Variants in FAT1 observed in about 807,000 individuals in gnomAD.
The protein encoded by FAT1 is FAT atypical cadherin 1, also known as protocadherin Fat 1.
In FAT1, 171 loss-of-function variants were observed where a neutral mutation model predicts 329.8. The observed-to-expected ratio is 0.52, with a 90% CI of 0.46 to 0.59. The LOEUF (loss-of-function observed/expected upper bound fraction) is 0.59. Among genes scored for constraint, FAT1 ranks in the 20% least tolerant of loss-of-function variants. The probability of loss-of-function intolerance (pLI) is 0.00; values close to 1 mark genes in which losing one functional copy is unlikely to be tolerated. For missense variants in FAT1, 5,672 were observed against 5,774.4 expected (o/e 0.98, Z 0.57); for synonymous variants, 2,233 against 2,228.6 (o/e 1.00, Z -0.06).
intron 17 of FAT1, among the ~76,000 whole-genome samples, chr4:186,605,775 G>C (rs1241507008): frequency 5.3e-5 from 8 of 150,740 alleles, no homozygotes; most frequent in Admixed American, 4.0e-4. Flanking sequence ...AAGGTCAAGG[G>C]GGGAGGAGAG....
At chr4:186,711,796 T>C (rs1744969087) in intron 1 of FAT1, among the ~76,000 whole-genome samples, 1 of 152,164 alleles carries the variant, frequency 6.6e-6, no homozygotes, top group Non-Finnish European at 1.5e-5. Flanking sequence ...GGAGCAAGCC[T>C]GTAATCTCAG....
intron 14 of FAT1, among the ~76,000 whole-genome samples, chr4:186,610,824 AGAT>A: frequency 6.6e-6 from 1 of 151,330 alleles, no homozygotes; most frequent in South Asian, 2.1e-4. Context: ...CAGGTTAGCA[AGAT>A]GATGAAGCAT....
At chr4:186,718,790 A>C (rs1745333958) in intron 1 of FAT1, among the ~76,000 whole-genome samples, 2 of 152,140 alleles carry the variant, frequency 1.3e-5, no homozygotes, top group South Asian at 4.1e-4. Flanking sequence ...GTTTCACAGC[A>C]CCGCCCTGGC....
intron 2 of FAT1, among the ~76,000 whole-genome samples, chr4:186,682,773 T>C (rs1055486161): frequency 2.0e-5 from 3 of 152,124 alleles, no homozygotes; most frequent in African/African-American, 7.2e-5. Context: ...CAGAGGAGGA[T>C]TTTCCTTCTT....
rs2584349 is a variant in FAT1 at position 186,614,015 on chromosome 4, T to C, written c.9229+176A>G. 0.47 allele frequency among the ~76,000 whole-genome samples: 71,058 copies of C among 152,006 alleles called. 16,798 individuals are homozygous for C. Among genetic ancestry groups the C allele is most frequent in the African/African-American group, 0.53 (22,050 of 41,460 alleles). On this transcript the variant is annotated intron_variant, in intron 12 of 26. Transcript: ENST00000441802. Reference sequence around the variant, plus strand: ...TGCTGTTTTTTAAAAAATCTCACCTTGAATTTTACGCACTAAATTGCTGGT... The same window carrying C: ...TGCTGTTTTTTAAAAAATCTCACCTCGAATTTTACGCACTAAATTGCTGGT...
intron 3 of FAT1, among the ~76,000 whole-genome samples, chr4:186,653,763 CG>C (rs1488901202): frequency 6.6e-6 from 1 of 152,104 alleles, no homozygotes; most frequent in Non-Finnish European, 1.5e-5. Flanking sequence ...CACTCATTTC[CG>C]TATCATCTAC....
At chr4:186,664,269 A>G (rs1232586604) in intron 2 of FAT1, among the ~76,000 whole-genome samples, 1 of 152,158 alleles carries the variant, frequency 6.6e-6, no homozygotes, top group Non-Finnish European at 1.5e-5. Context: ...CTGAGTGTTG[A>G]GGTCCTTTTA....
chr4:186,686,418 T>C (rs1743472416), intron 2 of FAT1, among the ~76,000 whole-genome samples: 1 of 152,052 alleles, frequency 6.6e-6, no homozygotes, highest in Non-Finnish European at 1.5e-5. Flanking sequence ...TTTGAATGAG[T>C]GTTCTTTTTT....
At chr4:186,649,550 T>G (rs913969021) in intron 3 of FAT1, among the ~76,000 whole-genome samples, 1 of 152,182 alleles carries the variant, frequency 6.6e-6, no homozygotes, top group Non-Finnish European at 1.5e-5. Context: ...AGAGGAGATT[T>G]GAGTCAGAGA....
rs201965733 is a variant in FAT1, at chr4:186,620,783, C to T, written c.5803G>A (p.Ala1935Thr). The change falls in exon 10 of 27, where the codon GCT (alanine) becomes ACT (threonine). Residue 1935 changes from alanine (A) to threonine (T), a missense_variant. Transcript: ENST00000441802. Reference protein sequence around the residue: ...EKFSMDYKTGALTVQNTTQLR... With the variant: ...EKFSMDYKTGTLTVQNTTQLR... The stretch of plus-strand genomic sequence containing the variant: ...TGAGTTGTGTTTTGGACAGTGAGAG[C>T]ACCAGTCTTGTAGTCCATAGAAAAC... 106 of 1,613,896 alleles carry T rather than the reference C, an allele frequency of 6.6e-5. No homozygotes were observed. Among genetic ancestry groups the T allele is most frequent in the Non-Finnish European group, 7.8e-5 (92 of 1,179,906 alleles).
Position 186,709,702 on chromosome 4 carries a change from G to C in FAT1, c.126C>G (p.Thr42=), listed in dbSNP as rs375280644. 1 of 1,613,892 alleles carries C rather than the reference G, an allele frequency of 6.2e-7. No individual in the cohort carries two copies. The highest frequency in any genetic ancestry group is 2.2e-5 in the East Asian group (1 of 44,872). Residue 42 remains threonine (T), a synonymous_variant, in exon 2 of 27, where the codon ACC becomes ACG. Transcript: ENST00000441802. The part of the protein sequence containing the change: ...LQFTHLEYNV[T]VQENSAAKTY... ...TCTTAGCTGCAGAGTTCTCCTGCACGGTGACGTTGTACTCGAGGTGTGTAA... is the reference window on the plus strand; with the variant it reads ...TCTTAGCTGCAGAGTTCTCCTGCACCGTGACGTTGTACTCGAGGTGTGTAA...
At chr4:186,590,500 CT>C in intron 26 of FAT1, 1 of 751,532 alleles carries the variant, frequency 1.3e-6, no homozygotes, top group Non-Finnish European at 2.0e-6. Flanking sequence ...ATGAAAACTG[CT>C]TACAGAGGCC....
rs750555004 is a variant in FAT1 at position 186,709,250 on chromosome 4, T to C, written c.578A>G (p.Asp193Gly). 5.6e-6 allele frequency: 9 copies of C among 1,613,808 alleles called. No homozygotes were observed. The Admixed American group carries it at 8.3e-5, about 15-fold the overall frequency. ...ACTGGTTGGGTGAATAGCAAACATA[T>C]CTGTTCGATCTTTAAAACTGTAGTA... The part of the protein sequence containing the change: ...EFYYSFKDRT[D>G]MFAIHPTSGV... The change falls in exon 2 of 27, where the codon GAT (aspartate) becomes GGT (glycine). Residue 193 changes from aspartate (D) to glycine (G), a missense_variant. Asp to Gly is a moderately conservative substitution (Grantham distance 94, BLOSUM62 -1). Transcript: ENST00000441802.
intron 1 of FAT1, among the ~76,000 whole-genome samples, chr4:186,719,290 T>C (rs530796190): frequency 6.6e-6 from 1 of 152,206 alleles, no homozygotes; most frequent in Non-Finnish European, 1.5e-5. Context: ...AGTTATACGA[T>C]TGGCCTTCAC....
chr4:186,694,853 T>C (rs957288885), intron 2 of FAT1, among the ~76,000 whole-genome samples: 1 of 152,158 alleles, frequency 6.6e-6, no homozygotes, highest in Non-Finnish European at 1.5e-5. Context: ...TCCCAGCTAC[T>C]TGGGAGGCTG....
At chr4:186,668,503 T>C (rs1742570626) in intron 2 of FAT1, among the ~76,000 whole-genome samples, 2 of 152,208 alleles carry the variant, frequency 1.3e-5, no homozygotes, top group African/African-American at 4.8e-5. Flanking sequence ...ACAGGTGTAG[T>C]TCAGAATCCA....
At position 186,596,615 on chromosome 4, in the gene FAT1, G is replaced by GC. The variant is rs1329470979; in HGVS notation, c.12924dup (p.Pro4309AlafsTer11). 6.2e-7 allele frequency: 1 copy of GC among 1,611,634 alleles called. No individual in the cohort carries two copies. Among genetic ancestry groups the GC allele is most frequent in the East Asian group, 2.2e-5 (1 of 44,854 alleles). On this transcript the variant is annotated frameshift_variant, in exon 25 of 27. Transcript: ENST00000441802. LOFTEE classifies it high-confidence loss of function. The surrounding 1 kb of genome is among the most constrained non-coding windows in gnomAD (Gnocchi z 4.7). ...GGGGAGTTTGAAGGGGGTGGGGGAG[G>GC]CAGGTTTGGCGCCACGCTGCAGACC...
intron 2 of FAT1, among the ~76,000 whole-genome samples, chr4:186,701,426 T>TA (rs1174294315): frequency 6.6e-5 from 10 of 152,100 alleles, no homozygotes; most frequent in Non-Finnish European, 1.2e-4. Flanking sequence ...GAGGAGAACA[T>TA]AAAGAGCCAA....
chr4:186,720,654 GA>G (rs1323169993), intron 1 of FAT1, among the ~76,000 whole-genome samples: 2 of 152,164 alleles, frequency 1.3e-5, no homozygotes, highest in Admixed American at 6.5e-5. Flanking sequence ...TGGTCTATAA[GA>G]GACTGTGTAC....
Sources: allele counts gnomAD v4.1 joint callset (sites outside exome capture counted in the v4.1 genomes callset), GRCh38; gene constraint gnomAD v4.1.1; non-coding constraint Gnocchi (gnomAD v3.1); transcripts MANE v1.5; gene names NCBI Gene and HGNC (gene_info 2026-07-23, HGNC 2026-07-21).